The following PACRG variants were observed in gnomAD, a reference collection of about 807,000 sequenced individuals.
The protein encoded by PACRG is parkin coregulated gene protein.
PACRG carries 29 observed loss-of-function variants against 29.7 expected under a neutral mutation model. The observed-to-expected ratio is 0.98, with a 90% CI of 0.73 to 1.33. PACRG has a LOEUF of 1.33. Among genes scored for constraint, PACRG ranks in the 40% most tolerant of loss-of-function variants. The pLI is 0.00. For missense variants in PACRG, 279 were observed against 316.2 expected (o/e 0.88, Z 0.89); for synonymous variants, 116 against 118.7 (o/e 0.98, Z 0.15).
chr6:163,019,665 A>G (rs1322456503), intron 2 of PACRG, among the ~76,000 whole-genome samples: 1 of 152,080 alleles, frequency 6.6e-6, no homozygotes, highest in African/African-American at 2.4e-5. Context: ...CTGTGGTCAC[A>G]TGGGTCTTAG....
intron 2 of PACRG, among the ~76,000 whole-genome samples, chr6:162,865,177 T>C (rs1408692794): frequency 2.6e-5 from 4 of 152,204 alleles, no homozygotes; most frequent in Non-Finnish European, 5.9e-5. Context: ...CAATGATAAT[T>C]GGCATATACT....
chr6:163,149,691 C>A (rs1166648628), intron 4 of PACRG, among the ~76,000 whole-genome samples: 1 of 152,142 alleles, frequency 6.6e-6, no homozygotes, highest in Non-Finnish European at 1.5e-5. Flanking sequence ...GCACTCCAGA[C>A]CCGCAGCCCC....
At chr6:162,960,143 A>G (rs1278666137) in intron 2 of PACRG, among the ~76,000 whole-genome samples, 1 of 152,218 alleles carries the variant, frequency 6.6e-6, no homozygotes, top group Non-Finnish European at 1.5e-5. Context: ...AAGAAAGCTT[A>G]TAACACTGTT....
At chr6:162,769,874 CATT>C (rs941771234) in intron 1 of PACRG, among the ~76,000 whole-genome samples, 1 of 151,686 alleles carries the variant, frequency 6.6e-6, no homozygotes, top group African/African-American at 2.4e-5. Context: ...ATAATGATAT[CATT>C]ATGACTGATT....
chr6:163,251,647 C>T (rs1428526621), intron 4 of PACRG, among the ~76,000 whole-genome samples: 1 of 152,138 alleles, frequency 6.6e-6, no homozygotes, highest in East Asian at 1.9e-4. Context: ...GTTACTCATC[C>T]ATTCTGTATT....
Position 163,089,368 on chromosome 6 carries a change from T to C in PACRG, c.573T>C (p.Arg191=). The change falls in exon 4 of 5, where the codon CGT becomes CGC. Residue 191 remains arginine, a synonymous_variant. Transcript: ENST00000366888. The part of the protein sequence containing the change: ...MVGKALVPYY[R]QILPVLNIFK... ...GCAAGGCCTTGGTGCCTTATTACCG[T>C]CAAATCCTCCCTGTCCTGAACATCT... 1 of 1,614,168 alleles carries C rather than the reference T, an allele frequency of 6.2e-7. No homozygotes were observed. The highest frequency in any genetic ancestry group is 8.5e-7 in the Non-Finnish European group (1 of 1,180,024).
At chr6:162,881,622 C>T (rs1042325479) in intron 2 of PACRG, among the ~76,000 whole-genome samples, 1 of 147,210 alleles carries the variant, frequency 6.8e-6, no homozygotes, top group Non-Finnish European at 1.5e-5. Flanking sequence ...CCCAGGGGTG[C>T]TCTCCACCAA....
Position 163,275,956 on chromosome 6 carries a change from G to A in PACRG, c.614-38871G>A, listed in dbSNP as rs909844433. Among the ~76,000 whole-genome samples, 18 of 152,032 alleles carry A rather than the reference G, an allele frequency of 1.2e-4. No homozygotes were observed. The South Asian group carries it at 2.1e-3, about 18-fold the overall frequency. ...CAGCTGAGGACTCCAGGTGATGTGC[G>A]AAGAGTATTGCTTTTTTTTTTTATT... is the stretch of plus-strand genomic sequence containing the variant. On this transcript the variant is annotated intron_variant, in intron 4 of 4. Coordinates refer to ENST00000366888, the MANE Select transcript of PACRG (RefSeq NM_001080379.2).
At chr6:163,057,144 T>A (rs998863525) in intron 2 of PACRG, among the ~76,000 whole-genome samples, 5 of 152,138 alleles carry the variant, frequency 3.3e-5, no homozygotes, top group African/African-American at 1.2e-4. Flanking sequence ...AAGAGCCAAC[T>A]AAAAGTATCA....
intron 1 of PACRG, among the ~76,000 whole-genome samples, chr6:162,757,117 A>G (rs1781988574): frequency 6.6e-6 from 1 of 152,020 alleles, no homozygotes; most frequent in South Asian, 2.1e-4. Flanking sequence ...GTTTTACTTT[A>G]TATTTTCTTA....
intron 2 of PACRG, among the ~76,000 whole-genome samples, chr6:162,814,943 G>T (rs915820074): frequency 6.6e-6 from 1 of 152,166 alleles, no homozygotes; most frequent in African/African-American, 2.4e-5. Context: ...CTTTGTAAAA[G>T]GCTCACTGAT....
At chr6:162,983,588 T>C (rs1393277005) in intron 2 of PACRG, among the ~76,000 whole-genome samples, 9 of 152,004 alleles carry the variant, frequency 5.9e-5, no homozygotes, top group African/African-American at 2.2e-4. Context: ...CTGGATACGA[T>C]ATTCTTGGCT....
intron 2 of PACRG, among the ~76,000 whole-genome samples, chr6:162,895,972 T>C (rs1419567514): frequency 6.6e-6 from 1 of 152,210 alleles, no homozygotes; most frequent in African/African-American, 2.4e-5. Flanking sequence ...TACAGAATAA[T>C]ATTGTTCATG....
chr6:162,946,307 A>G (rs1460929358), intron 2 of PACRG, among the ~76,000 whole-genome samples: 2 of 152,092 alleles, frequency 1.3e-5, no homozygotes, highest in African/African-American at 4.8e-5. Flanking sequence ...GAAAATGGAG[A>G]CATTACAACT....
chr6:163,279,882 T>C (rs138643531), intron 4 of PACRG, among the ~76,000 whole-genome samples: 341 of 152,336 alleles, frequency 2.2e-3, no homozygotes, highest in Admixed American at 3.3e-3. Flanking sequence ...TCCTATGTTA[T>C]TGAATTACCT....
rs774580681 is a variant in PACRG, at chr6:163,089,422, C to T, written c.613+14C>T. On this transcript the variant is annotated intron_variant, in intron 4 of 4. Transcript: ENST00000366888. ...AGAATATGAATGGTGAGTGAGCCCA[C>T]GAGTCAAAATGTCTTTTAAGCCAAA... 1.4e-5 allele frequency: 22 copies of T among 1,610,174 alleles called. No individual in the cohort carries two copies. The highest frequency in any genetic ancestry group is 6.7e-5 in the East Asian group (3 of 44,788).
intron 2 of PACRG, chr6:163,044,515 C>G (rs1223814095): frequency 1.3e-5 from 2 of 152,044 alleles, no homozygotes; most frequent in Non-Finnish European, 1.5e-5. Flanking sequence ...GCAATCAGGT[C>G]CATAAATTAT....
chr6:163,142,071 A>C (rs1171773220), intron 4 of PACRG, among the ~76,000 whole-genome samples: 1 of 152,154 alleles, frequency 6.6e-6, no homozygotes, highest in Non-Finnish European at 1.5e-5. Flanking sequence ...AAAAAGGTAC[A>C]ACTAAAAGTA....
chr6:163,202,802 G>A (rs370441795), intron 4 of PACRG, among the ~76,000 whole-genome samples: 47 of 152,288 alleles, frequency 3.1e-4, no homozygotes, highest in African/African-American at 1.1e-3. Context: ...GATTATCTGG[G>A]CTTCAGCAAG....
Sources: gnomAD v4.1 joint callset for allele counts (sites outside exome capture counted in the v4.1 genomes callset) on GRCh38, gnomAD v4.1.1 for gene constraint, MANE v1.5 for transcripts, NCBI Gene and HGNC (gene_info 2026-07-23, HGNC 2026-07-21) for gene names.